FAHD2A: variants seen among roughly 807,000 people sequenced by gnomAD.
FAHD2A encodes oxaloacetate tautomerase FAHD2A, mitochondrial.
FAHD2A carries 27 observed loss-of-function variants against 33.4 expected under a neutral mutation model. The observed-to-expected ratio is 0.81, with a 90% CI of 0.60 to 1.11. The LOEUF is 1.11. Among genes scored for constraint, FAHD2A ranks in the 50% most tolerant of loss-of-function variants. FAHD2A has a pLI of 0.00. For missense variants in FAHD2A, 296 were observed against 395.0 expected, an observed-to-expected ratio of 0.75 and a Z score of 2.12; for synonymous variants, 130 against 153.3, an observed-to-expected ratio of 0.85 and a Z score of 1.12.
downstream of FAHD2A, among the ~76,000 whole-genome samples, chr2:95,419,052 G>A (rs926548379): frequency 1.3e-5 from 2 of 151,976 alleles, no homozygotes; most frequent in Non-Finnish European, 2.9e-5. Context: ...GGAACTCCTG[G>A]GTTACCAAAA....
chr2:95,412,261 A>G (rs1264242604), intron 5 of FAHD2A, among the ~76,000 whole-genome samples, 173 bp from the exon 6 acceptor site: 1 of 152,022 alleles, frequency 6.6e-6, no homozygotes, highest in Non-Finnish European at 1.5e-5. Flanking sequence ...GGGAGGCCTG[A>G]GAAGGCCAAT....
In FAHD2A at chr2:95,414,357, G is replaced by A. The variant is rs1388768322; in HGVS notation, c.*1400G>A. On this transcript the variant is annotated 3_prime_UTR_variant, in exon 8 of 8. Coordinates refer to ENST00000233379, the MANE Select transcript of FAHD2A (RefSeq NM_016044.3). Reference sequence around the variant, plus strand: ...AAATCTAGTGCTGGGTGGATATAGAGTATGAAGATGTGGAGCTGGGAAAAC... The same window carrying A: ...AAATCTAGTGCTGGGTGGATATAGAATATGAAGATGTGGAGCTGGGAAAAC... 9 of 726,356 alleles carry A rather than the reference G, an allele frequency of 1.2e-5. No individual in the cohort carries two copies. Among genetic ancestry groups the A allele is most frequent in the South Asian group, 1.1e-4 (7 of 64,810 alleles). The allele number at this position is 726,356 out of a possible 1,614,324, so 45.0% of individuals were successfully genotyped here.
rs1682860657 is a variant in FAHD2A at position 95,413,521 on chromosome 2, G to C, written c.*564G>C. 11 of 1,606,026 alleles carry C rather than the reference G, an allele frequency of 6.8e-6. No homozygotes were observed. The highest frequency in any genetic ancestry group is 8.5e-6 in the Non-Finnish European group (10 of 1,176,992). On this transcript the variant is annotated 3_prime_UTR_variant, in exon 8 of 8. Coordinates refer to ENST00000233379, the MANE Select transcript of FAHD2A (RefSeq NM_016044.3). ...ATTGTCCAGGCTGGCAAAAGTAGGG[G>C]ACAGGTGGAGCCTGGGGCCTGCAGG...
Position 95,412,716 on chromosome 2 carries a change from G to C in FAHD2A, c.834G>C (p.Gly278=), listed in dbSNP as rs892123449. The change falls in exon 7 of 8, where the codon GGG becomes GGC. Residue 278 remains glycine (G), a synonymous_variant. Coordinates refer to ENST00000233379, the MANE Select transcript of FAHD2A (RefSeq NM_016044.3). The part of the protein sequence containing the change: ...TFYPGDVILT[G]TPPGVGVFRK... ...ACCCAGGGGATGTCATCCTAACTGG[G>C]ACCCCCCCAGGTGTCGGTGTATTCA... The C allele has an allele frequency of 6.2e-7, 1 of 1,614,012 alleles. No homozygotes were observed. The highest frequency in any genetic ancestry group is 1.7e-5 in the Admixed American group (1 of 59,996).
rs752005266 is a variant in FAHD2A at position 95,405,758 on chromosome 2, C to T, written c.200C>T (p.Thr67Met). The T allele has an allele frequency of 2.2e-5, 35 of 1,613,690 alleles. No individual in the cohort carries two copies. The highest frequency in any genetic ancestry group is 1.7e-4 in the Middle Eastern group (1 of 6,056). The change falls in exon 2 of 8, where the codon ACG (threonine) becomes ATG (methionine). Residue 67 changes from threonine to methionine, a missense_variant. Transcript: ENST00000233379. ...GACCCCACACTCCCGAAGACGATGA[C>T]GCAGTTCCTAGAGCAGGGAGAGGCC... ...AFDPTLPKTM[T>M]QFLEQGEATL...
At chr2:95,411,212 C>A (rs995051527) in intron 5 of FAHD2A, among the ~76,000 whole-genome samples, 186 bp downstream of exon 5, 1 of 152,206 alleles carries the variant, frequency 6.6e-6, no homozygotes, top group Non-Finnish European at 1.5e-5. Flanking sequence ...TTCCCAAGCC[C>A]CCTAGAGGGA....
chr2:95,413,505 G>A lies in FAHD2A; in HGVS notation c.*548G>A. 13 of 1,608,882 alleles carry A rather than the reference G, an allele frequency of 8.1e-6. No homozygotes were observed. The highest frequency in any genetic ancestry group is 1.0e-5 in the Non-Finnish European group (12 of 1,178,518). On this transcript the variant is annotated 3_prime_UTR_variant, in exon 8 of 8. Coordinates refer to ENST00000233379, the MANE Select transcript of FAHD2A (RefSeq NM_016044.3). ...GTTCTAGTTTTTCCTGATTGTCCAG[G>A]CTGGCAAAAGTAGGGGACAGGTGGA...
intron 1 of FAHD2A, among the ~76,000 whole-genome samples, chr2:95,404,089 C>T (rs1342823920): frequency 1.3e-5 from 2 of 152,180 alleles, no homozygotes; most frequent in South Asian, 2.1e-4. Context: ...CAGGTGAGGA[C>T]CAAGAGTCTG....
Position 95,412,556 on chromosome 2 carries a change from G to C in FAHD2A, c.794+14G>C. Reference sequence around the variant, plus strand: ...CTGGGTCTCCCAGTGAGTGACAGGGGCTGTCCTGCCAGCCCCGCTTCACCT... The same window carrying C: ...CTGGGTCTCCCAGTGAGTGACAGGGCCTGTCCTGCCAGCCCCGCTTCACCT... On this transcript the variant is annotated intron_variant, in intron 6 of 7. Coordinates refer to ENST00000233379, the MANE Select transcript of FAHD2A (RefSeq NM_016044.3). The C allele has an allele frequency of 7.4e-6, 12 of 1,613,872 alleles. No homozygotes were observed. Among genetic ancestry groups the C allele is most frequent in the Non-Finnish European group, 1.0e-5 (12 of 1,179,812 alleles).
At position 95,412,774 on chromosome 2, in the gene FAHD2A, C is replaced by T. The variant is rs138447151; in HGVS notation, c.882+10C>T. ...TCCTGTCTTTCTCAAGGTAGGTTAG[C>T]GAAAAGCAAAGAGCAAGGGCCCCAA... On this transcript the variant is annotated intron_variant, in intron 7 of 7. Transcript: ENST00000233379. 394 of 1,614,142 alleles carry T rather than the reference C, an allele frequency of 2.4e-4. 1 individual carries two copies. The highest frequency in any genetic ancestry group is 1.3e-3 in the South Asian group (120 of 91,068).
intron 2 of FAHD2A, 23 bp from the exon 3 acceptor site, chr2:95,406,918 C>A (rs768027373): frequency 7.5e-6 from 12 of 1,594,088 alleles, no homozygotes; most frequent in East Asian, 2.3e-5. Flanking sequence ...GCCAGACCCT[C>A]TCACCTGCTC....
downstream of FAHD2A, among the ~76,000 whole-genome samples, chr2:95,418,400 AGCACTGAT>A (rs1211451502): frequency 6.6e-6 from 1 of 151,966 alleles, no homozygotes; most frequent in African/African-American, 2.4e-5. Flanking sequence ...CTTAGAAGAG[AGCACTGAT>A]GCATGAAGGT....
rs759374514 is a variant in FAHD2A, at chr2:95,414,252, G to A, written c.*1295G>A. 20 of 1,600,680 alleles carry A rather than the reference G, an allele frequency of 1.2e-5. No individual in the cohort carries two copies. Among genetic ancestry groups the A allele is most frequent in the Non-Finnish European group, 1.7e-5 (20 of 1,172,114 alleles). Reference sequence around the variant, plus strand: ...GGCTGACTGGTTGGGACTCACCAAAGATCCCTTCTTCCTGGGCGGTGGCCT... The same window carrying A: ...GGCTGACTGGTTGGGACTCACCAAAAATCCCTTCTTCCTGGGCGGTGGCCT... On this transcript the variant is annotated 3_prime_UTR_variant, in exon 8 of 8. Coordinates refer to ENST00000233379, the MANE Select transcript of FAHD2A (RefSeq NM_016044.3).
At chr2:95,406,412 T>A (rs541475769) in intron 2 of FAHD2A, among the ~76,000 whole-genome samples, 138 of 150,294 alleles carry the variant, frequency 9.2e-4, no homozygotes, top group Non-Finnish European at 1.3e-3. Flanking sequence ...TATTGCCATA[T>A]TCTGCAAAGA....
At chr2:95,412,410 C>T in intron 5 of FAHD2A, 24 bp from the exon 6 acceptor site, 6 of 1,612,916 alleles carry the variant, frequency 3.7e-6, no homozygotes, top group Non-Finnish European at 5.1e-6. Context: ...GGGATAACTC[C>T]AAGGTACCAT....
Position 95,412,670 on chromosome 2 carries a change from G to A in FAHD2A, c.795-7G>A. The A allele has an allele frequency of 1.2e-6, 2 of 1,614,040 alleles. No homozygotes were observed. The highest frequency in any genetic ancestry group is 1.7e-6 in the Non-Finnish European group (2 of 1,179,988). On this transcript the variant is annotated splice_polypyrimidine_tract_variant and splice_region_variant and intron_variant, in intron 6 of 7. Coordinates refer to ENST00000233379, the MANE Select transcript of FAHD2A (RefSeq NM_016044.3). ...TGGTCTCACCGGGTCCTTCTGCTTT[G>A]ATCCAGGTTTGTTACCTTTTACCCA...
intron 3 of FAHD2A, among the ~76,000 whole-genome samples, chr2:95,408,743 G>A (rs1394007889): frequency 6.6e-6 from 1 of 152,218 alleles, no homozygotes; most frequent in Non-Finnish European, 1.5e-5. Context: ...AGATTTGGGT[G>A]GGGACACAGA....
chr2:95,417,993 G>A (rs1215380259), downstream of FAHD2A, among the ~76,000 whole-genome samples: 1 of 152,070 alleles, frequency 6.6e-6, no homozygotes, highest in Admixed American at 6.5e-5. Flanking sequence ...TTCTGGTGCT[G>A]CTTTGAGTAT....
At chr2:95,407,559 G>A (rs558062978) in intron 3 of FAHD2A, 29 of 191,420 alleles carry the variant, frequency 1.5e-4, no homozygotes, top group Non-Finnish European at 2.2e-5. Flanking sequence ...TTAAGTATTC[G>A]CCCTGACACC....
Sources: allele counts gnomAD v4.1 joint callset (sites outside exome capture counted in the v4.1 genomes callset), GRCh38; gene constraint gnomAD v4.1.1; transcripts MANE v1.5; gene names NCBI Gene and HGNC (gene_info 2026-07-23, HGNC 2026-07-21).